Variants in PRTG observed in about 807,000 individuals in gnomAD.
PRTG encodes immunoglobulin superfamily, DCC subclass, member 5.
In PRTG, 67 loss-of-function variants were observed where a neutral mutation model predicts 122.5. The ratio of observed to expected loss-of-function variants is 0.55; its 90% confidence interval spans 0.45 to 0.67. The LOEUF is 0.67. Among genes scored for constraint, PRTG ranks in the 30% least tolerant of loss-of-function variants. The pLI, the probability that PRTG is intolerant of heterozygous loss-of-function variation, is 0.00. For missense variants in PRTG, 1,435 were observed against 1,415.4 expected (o/e 1.01, Z -0.22); for synonymous variants, 554 against 501.1 (o/e 1.11, Z -1.41).
rs374717748 is a variant in PRTG at position 55,639,227 on chromosome 15, G to GC, written c.2324+414dup. On this transcript the variant is annotated intron_variant, in intron 13 of 19. Coordinates refer to ENST00000389286, the MANE Select transcript of PRTG (RefSeq NM_173814.6). The stretch of plus-strand genomic sequence containing the variant: ...TGACTTAAGCAATCCTACCACCTCA[G>GC]CCCCCCCAAAATCATTCTTTTAGAG... Among the ~76,000 whole-genome samples the GC allele has an allele frequency of 4.6e-5, 7 of 152,078 alleles. No homozygotes were observed. The East Asian group carries it at 1.2e-3, about 25-fold the overall frequency.
rs1309478570 is a variant in PRTG at position 55,613,439 on chromosome 15, C to T, written c.*6573G>A. 2 of 152,000 alleles carry T rather than the reference C, an allele frequency of 1.3e-5. No homozygotes were observed. Among genetic ancestry groups the T allele is most frequent in the Non-Finnish European group, 2.9e-5 (2 of 67,952 alleles). The allele number at this position is 152,000 out of a possible 1,614,324, so 9.4% of individuals were successfully genotyped here. A position where few individuals can be genotyped will look rare whatever the true frequency, so the allele number is the denominator to read the frequency against. On this transcript the variant is annotated 3_prime_UTR_variant, in exon 20 of 20. Transcript: ENST00000389286. ...CATTGTCGAATAAGGAAATGCTTGA[C>T]TAGAAAAGGACTCTAGAAACCATGC...
At chr15:55,735,928 C>T (rs1285844425) in intron 2 of PRTG, among the ~76,000 whole-genome samples, 3 of 152,136 alleles carry the variant, frequency 2.0e-5, no homozygotes, top group Admixed American at 6.5e-5. Context: ...GCCTGTAGAA[C>T]TATATATGCA....
rs182588723 is a variant in PRTG, at chr15:55,645,824, C to T, written c.2042-4616G>A. Among the ~76,000 whole-genome samples the T allele has an allele frequency of 8.2e-4, 124 of 152,056 alleles. 1 individual carries two copies. Among genetic ancestry groups the T allele is most frequent in the African/African-American group, 2.9e-3 (120 of 41,492 alleles). The stretch of plus-strand genomic sequence containing the variant: ...TAGTGCTTGGTTACATGAGACTCAG[C>T]GGACTTAGGCTATGTGGTTTTTGGG... On this transcript the variant is annotated intron_variant, in intron 11 of 19. Transcript: ENST00000389286.
At chr15:55,703,821 G>A (rs916177419) in intron 2 of PRTG, among the ~76,000 whole-genome samples, 3 of 152,186 alleles carry the variant, frequency 2.0e-5, no homozygotes, top group Non-Finnish European at 4.4e-5. Context: ...ACAGACTTGT[G>A]TTAGTTTAGG....
chr15:55,634,535 T>C (rs74247123), intron 15 of PRTG, among the ~76,000 whole-genome samples: 13,921 of 152,150 alleles, frequency 0.091, 1,038 homozygotes, highest in East Asian at 0.38. Context: ...TGAAACTAAA[T>C]TATACATTTT....
rs2031675026 is a variant in PRTG, at chr15:55,743,108, G to C, written c.-177C>G. ...CGGCGAGGCTGGTGCTCGGACGGCC[G>C]CTCGCGAGAAGCAAGGGGCCTGAGA... On this transcript the variant is annotated 5_prime_UTR_variant, in exon 1 of 20. Coordinates refer to ENST00000389286, the MANE Select transcript of PRTG (RefSeq NM_173814.6). 2 of 1,277,536 alleles carry C rather than the reference G, an allele frequency of 1.6e-6. No homozygotes were observed. The highest frequency in any genetic ancestry group is 4.3e-5 in the Admixed American group (1 of 23,320). The allele number at this position is 1,277,536 out of a possible 1,614,324, so 79.1% of individuals were successfully genotyped here. A position where few individuals can be genotyped will look rare whatever the true frequency, so the allele number is the denominator to read the frequency against.
At chr15:55,696,738 T>C (rs187880592) in intron 2 of PRTG, among the ~76,000 whole-genome samples, 62 of 152,330 alleles carry the variant, frequency 4.1e-4, no homozygotes, top group Admixed American at 2.7e-3. Context: ...GTACTAAATA[T>C]ACAACAGCCA....
At position 55,637,136 on chromosome 15, in the gene PRTG, CTTTTCACCCTTCAT is replaced by C; in HGVS notation, c.2623+20_2623+33del. ...TGTTTCTTTAATATTAATAATCGTA[CTTTTCACCCTTCAT>C]GGCAATTTATGATATTTACCTTCAC... On this transcript the variant is annotated intron_variant, in intron 15 of 19. Coordinates refer to ENST00000389286, the MANE Select transcript of PRTG (RefSeq NM_173814.6). 1.0e-5 allele frequency: 14 copies of C among 1,404,140 alleles called. No homozygotes were observed. Among genetic ancestry groups the C allele is most frequent in the Non-Finnish European group, 1.3e-5 (14 of 1,063,902 alleles). 87.0% of individuals were successfully genotyped at this position (1,404,140 alleles called of 1,614,324 possible). A position where few individuals can be genotyped will look rare whatever the true frequency, so the allele number is the denominator to read the frequency against.
At chr15:55,679,691 T>C (rs914025152) in intron 6 of PRTG, 4 of 432,964 alleles carry the variant, frequency 9.2e-6, no homozygotes, top group African/African-American at 2.0e-5. Flanking sequence ...GTACCTATCA[T>C]CCTTCTTAAC....
intron 11 of PRTG, among the ~76,000 whole-genome samples, chr15:55,663,539 CTT>C (rs574872335): frequency 4.9e-5 from 7 of 142,854 alleles, no homozygotes; most frequent in Admixed American, 7.0e-5. Flanking sequence ...CTTTTCTTTT[CTT>C]TTTTTTTTTT....
intron 2 of PRTG, among the ~76,000 whole-genome samples, chr15:55,734,560 C>G (rs550924457): frequency 6.6e-6 from 1 of 151,700 alleles, no homozygotes; most frequent in South Asian, 2.1e-4. Flanking sequence ...TATTCATAAT[C>G]TAGCCACTAT....
chr15:55,680,036 A>C lies in PRTG; in HGVS notation c.973+18T>G. ...TAAAATGTAAGATTCCCCTGATTGC[A>C]GAATGAAAGGAACATACCTAATACA... is the stretch of plus-strand genomic sequence containing the variant. On this transcript the variant is annotated intron_variant, in intron 6 of 19. Coordinates refer to ENST00000389286, the MANE Select transcript of PRTG (RefSeq NM_173814.6). 1 of 1,598,772 alleles carries C rather than the reference A, an allele frequency of 6.3e-7. No individual in the cohort carries two copies. Among genetic ancestry groups the C allele is most frequent in the Non-Finnish European group, 8.5e-7 (1 of 1,170,678 alleles).
At position 55,620,033 on chromosome 15, in the gene PRTG, A is replaced by T. The variant is rs772500346; in HGVS notation, c.3432T>A (p.Ser1144Arg). The T allele has an allele frequency of 4.3e-6, 7 of 1,614,000 alleles. No individual in the cohort carries two copies. Among genetic ancestry groups the T allele is most frequent in the Middle Eastern group, 1.6e-4 (1 of 6,080 alleles). ...AGAATCAGAGGTTGGGGGGTGTGGT[A>T]CTTATAACTGAGGACAGATGTATCT... ...NDEIHLSSVI[S>R]TTPPNL The change falls in exon 20 of 20, where the codon AGT becomes AGA. Residue 1144 changes from serine to arginine, a missense_variant. Ser to Arg is a moderately radical substitution (Grantham distance 110). Transcript: ENST00000389286.
intron 11 of PRTG, chr15:55,656,357 A>G (rs950301583): frequency 4.4e-6 from 2 of 455,928 alleles, no homozygotes; most frequent in Non-Finnish European, 8.8e-6. Flanking sequence ...GATTCGGGCT[A>G]AACATTTTTG....
At chr15:55,666,464 T>C (rs918129663) in intron 11 of PRTG, among the ~76,000 whole-genome samples, 1 of 152,198 alleles carries the variant, frequency 6.6e-6, no homozygotes. Context: ...ATCTGTCCCA[T>C]TACAGAAAAA....
At chr15:55,624,296 G>A (rs1410256599) in intron 18 of PRTG, 46 bp downstream of exon 18, 2 of 1,572,418 alleles carry the variant, frequency 1.3e-6, no homozygotes, top group South Asian at 2.3e-5. Context: ...ACACAGGGAG[G>A]AGGAATGGAA....
At chr15:55,718,712 T>C (rs1230581119) in intron 2 of PRTG, among the ~76,000 whole-genome samples, 1 of 152,110 alleles carries the variant, frequency 6.6e-6, no homozygotes, top group Non-Finnish European at 1.5e-5. Flanking sequence ...ATGGATGTCA[T>C]GTTTATGATA....
At chr15:55,643,148 T>C (rs1021742099) in intron 11 of PRTG, among the ~76,000 whole-genome samples, 3 of 152,192 alleles carry the variant, frequency 2.0e-5, no homozygotes, top group Admixed American at 6.5e-5. Flanking sequence ...TATGTTTGTA[T>C]AAATATTTTA....
At chr15:55,741,351 T>C (rs935997449) in intron 1 of PRTG, among the ~76,000 whole-genome samples, 2 of 152,228 alleles carry the variant, frequency 1.3e-5, no homozygotes, top group African/African-American at 2.4e-5. Context: ...CAGTGGGTGA[T>C]CGGATTAAGA....
Sources: gnomAD v4.1 joint callset for allele counts (sites outside exome capture counted in the v4.1 genomes callset) on GRCh38, gnomAD v4.1.1 for gene constraint, MANE v1.5 for transcripts, NCBI Gene and HGNC (gene_info 2026-07-23, HGNC 2026-07-21) for gene names.